The following MACROD2 variants were observed in gnomAD, a reference collection of about 807,000 sequenced individuals.
MACROD2 encodes the protein mono-ADP ribosylhydrolase 2.
MACROD2 carries 36 observed loss-of-function variants against 70.4 expected under a neutral mutation model. That is an observed-to-expected ratio of 0.51 (90% CI 0.39 to 0.68). The LOEUF is 0.68. Ranked by LOEUF, MACROD2 falls within the 30% of genes least tolerant of loss-of-function variation. The pLI, the probability that MACROD2 is intolerant of heterozygous loss-of-function variation, is 0.00. For synonymous variants in MACROD2, 172 were observed against 178.8 expected (o/e 0.96, Z 0.30); for missense variants, 496 against 538.4 (o/e 0.92, Z 0.78).
chr20:15,404,671 A>G (rs1426254464), intron 6 of MACROD2, among the ~76,000 whole-genome samples: 2 of 152,192 alleles, frequency 1.3e-5, no homozygotes, highest in Non-Finnish European at 2.9e-5. Flanking sequence ...ACTTCTGCAC[A>G]CTAACTTTCA....
At chr20:14,549,088 G>C (rs182889550) in intron 4 of MACROD2, among the ~76,000 whole-genome samples, 71 of 152,264 alleles carry the variant, frequency 4.7e-4, no homozygotes, top group African/African-American at 1.7e-3. Context: ...CAACAGCACT[G>C]AATGGTCCAA....
intron 6 of MACROD2, among the ~76,000 whole-genome samples, chr20:15,397,814 T>C (rs931626844): frequency 6.6e-5 from 10 of 152,300 alleles, no homozygotes; most frequent in African/African-American, 1.9e-4. Flanking sequence ...GGTGGGTTTA[T>C]AGAGTTAAAT....
intron 4 of MACROD2, among the ~76,000 whole-genome samples, chr20:14,604,310 C>G (rs1226151361): frequency 6.6e-6 from 1 of 152,204 alleles, no homozygotes; most frequent in Non-Finnish European, 1.5e-5. Context: ...TTGCTTCCAA[C>G]TGTCACACAG....
intron 4 of MACROD2, among the ~76,000 whole-genome samples, chr20:14,535,278 C>T (rs2327860): frequency 0.12 from 17,885 of 151,706 alleles, 1,506 homozygotes; most frequent in Non-Finnish European, 0.16. Flanking sequence ...CTGAGGCGGG[C>T]GGATCACCTG....
chr20:14,526,809 C>A (rs767708102), intron 4 of MACROD2, among the ~76,000 whole-genome samples: 10 of 152,180 alleles, frequency 6.6e-5, no homozygotes, highest in Non-Finnish European at 1.0e-4. Context: ...TAGGGGTGAA[C>A]GCTGAGGGCC....
chr20:14,742,820 G>T (rs1056150072), intron 5 of MACROD2, among the ~76,000 whole-genome samples: 3 of 150,944 alleles, frequency 2.0e-5, no homozygotes, highest in Non-Finnish European at 4.4e-5. Context: ...AGGCTGGAGT[G>T]CAGTGACGGG....
chr20:14,651,269 A>G (rs930857221), intron 4 of MACROD2, among the ~76,000 whole-genome samples: 3 of 152,148 alleles, frequency 2.0e-5, no homozygotes, highest in African/African-American at 7.2e-5. Flanking sequence ...ATGATGCCAA[A>G]GAGAAAAGAG....
chr20:14,134,427 G>T (rs910008914), intron 3 of MACROD2, among the ~76,000 whole-genome samples: 1 of 152,100 alleles, frequency 6.6e-6, no homozygotes, highest in Non-Finnish European at 1.5e-5. Context: ...TAGAAGCATT[G>T]GTTTATCTTC....
intron 5 of MACROD2, among the ~76,000 whole-genome samples, chr20:14,692,705 T>A (rs2071077993): frequency 6.6e-6 from 1 of 152,206 alleles, no homozygotes. Context: ...GCTTTTAGCA[T>A]CTCTGTTATC....
At chr20:15,246,703 A>T (rs1424447976) in intron 6 of MACROD2, among the ~76,000 whole-genome samples, 1 of 152,194 alleles carries the variant, frequency 6.6e-6, no homozygotes, top group Non-Finnish European at 1.5e-5. Flanking sequence ...ATGATCAAAC[A>T]ATTCCACTTC....
intron 15 of MACROD2, among the ~76,000 whole-genome samples, chr20:15,996,717 GTTTA>G (rs1266411954): frequency 2.0e-5 from 3 of 151,844 alleles, no homozygotes; most frequent in African/African-American, 4.8e-5. Flanking sequence ...ATGAATATCT[GTTTA>G]TTTATTTTTG....
intron 5 of MACROD2, among the ~76,000 whole-genome samples, chr20:15,115,915 T>C (rs1282162343): frequency 3.9e-5 from 6 of 152,042 alleles, no homozygotes; most frequent in Non-Finnish European, 5.9e-5. Context: ...TCAAAGTGAG[T>C]GTGTAAAGAC....
chr20:15,224,521 G>A (rs528197122), intron 5 of MACROD2, among the ~76,000 whole-genome samples: 2 of 152,268 alleles, frequency 1.3e-5, no homozygotes, highest in South Asian at 4.1e-4. Flanking sequence ...TCTCTGGGTT[G>A]CTTGAAAAGT....
intron 5 of MACROD2, among the ~76,000 whole-genome samples, chr20:14,812,274 C>T (rs1161756423): frequency 6.6e-6 from 1 of 151,574 alleles, no homozygotes; most frequent in South Asian, 2.1e-4. Context: ...CATGTGGGGA[C>T]ATGGGTGAAG....
chr20:14,180,172 T>C (rs1034674120), intron 3 of MACROD2, among the ~76,000 whole-genome samples: 8 of 152,076 alleles, frequency 5.3e-5, no homozygotes, highest in African/African-American at 1.9e-4. Context: ...TAGACTGTTA[T>C]TGGGTATTAC....
In MACROD2 at chr20:15,161,431, A is replaced by G. The variant is rs551378293; in HGVS notation, c.419-68509A>G. 3.4e-3 allele frequency among the ~76,000 whole-genome samples: 519 copies of G among 151,412 alleles called. 3 individuals are homozygous for G. Among genetic ancestry groups the G allele is most frequent in the African/African-American group, 0.012 (504 of 41,452 alleles). On this transcript the variant is annotated intron_variant, in intron 5 of 17. Coordinates refer to ENST00000684519, the MANE Select transcript of MACROD2 (RefSeq NM_001351661.2). ...AAATATTACCTCCTACACACTGGTT[A>G]AAAGTGTTCATGTACTATTAACTCT...
intron 10 of MACROD2, among the ~76,000 whole-genome samples, chr20:15,924,758 A>G (rs2065464037): frequency 1.3e-5 from 2 of 152,188 alleles, no homozygotes; most frequent in South Asian, 2.1e-4. Context: ...TTTAAAGAAC[A>G]TCTTTATATA....
intron 5 of MACROD2, among the ~76,000 whole-genome samples, chr20:14,918,830 T>C (rs1267062510): frequency 6.6e-6 from 1 of 152,154 alleles, no homozygotes; most frequent in Admixed American, 6.5e-5. Context: ...AACATATCAC[T>C]GATGTGTTTC....
intron 8 of MACROD2, among the ~76,000 whole-genome samples, chr20:15,856,804 C>T (rs2064361561): frequency 6.6e-6 from 1 of 152,130 alleles, no homozygotes; most frequent in African/African-American, 2.4e-5. Context: ...TTATTGACAG[C>T]TTGTTCATAA....
Sources: gnomAD v4.1 joint callset for allele counts (sites outside exome capture counted in the v4.1 genomes callset) on GRCh38, gnomAD v4.1.1 for gene constraint, MANE v1.5 for transcripts, NCBI Gene and HGNC (gene_info 2026-07-23, HGNC 2026-07-21) for gene names.